Variants in MTUS2 observed in about 807,000 individuals in gnomAD.
MTUS2 encodes the protein microtubule associated scaffold protein 2.
A neutral mutation model predicts 114.1 loss-of-function variants in MTUS2; 40 were observed. That is an observed-to-expected ratio of 0.35 (90% CI 0.27 to 0.46). MTUS2 has a LOEUF of 0.46. Among genes scored for constraint, MTUS2 ranks in the 20% least tolerant of loss-of-function variants. The pLI is 1.00. For synonymous variants in MTUS2, 688 were observed against 672.0 expected (o/e 1.02, Z -0.37); for missense variants, 1,679 against 1,705.4 (o/e 0.98, Z 0.27).
intron 9 of MTUS2, among the ~76,000 whole-genome samples, chr13:29,450,916 C>T (rs572865951): frequency 1.2e-4 from 19 of 152,024 alleles, no homozygotes; most frequent in Non-Finnish European, 2.2e-4. Context: ...ACCTACATAC[C>T]GAACAATAGA....
In MTUS2 at chr13:29,437,073, G is replaced by A. The variant is rs1458605718; in HGVS notation, c.3118-2910G>A. Among the ~76,000 whole-genome samples the A allele has an allele frequency of 2.0e-5, 3 of 152,264 alleles. No individual in the cohort carries two copies. The East Asian group carries it at 5.8e-4, about 29-fold the overall frequency. ...TGATTCTTCTGTGGCTGGGAGTGTG[G>A]ACTGATTTGTTATGATGTGAGAGAT... On this transcript the variant is annotated intron_variant, in intron 8 of 15. Coordinates refer to ENST00000612955, the MANE Select transcript of MTUS2 (RefSeq NM_001033602.4).
intron 7 of MTUS2, among the ~76,000 whole-genome samples, chr13:29,327,273 G>A (rs1423208231): frequency 6.6e-6 from 1 of 152,140 alleles, no homozygotes; most frequent in Non-Finnish European, 1.5e-5. Context: ...TATGCTTAAA[G>A]TATAGAACTT....
intron 8 of MTUS2, among the ~76,000 whole-genome samples, chr13:29,400,360 C>T (rs150765333): frequency 2.0e-5 from 3 of 152,154 alleles, no homozygotes; most frequent in African/African-American, 7.2e-5. Flanking sequence ...TGGGGGGCAA[C>T]AAAGAAGAAA....
chr13:29,224,424 T>C (rs886337842), intron 5 of MTUS2, among the ~76,000 whole-genome samples: 2 of 152,164 alleles, frequency 1.3e-5, no homozygotes, highest in Admixed American at 1.3e-4. Flanking sequence ...TCTTTTTTTT[T>C]ATACTGTTCT....
chr13:29,070,648 G>C (rs1464278550), intron 4 of MTUS2, among the ~76,000 whole-genome samples: 1 of 151,980 alleles, frequency 6.6e-6, no homozygotes, highest in Non-Finnish European at 1.5e-5. Context: ...GAGAGAGAGA[G>C]GTTTATGTTG....
intron 5 of MTUS2, among the ~76,000 whole-genome samples, chr13:29,109,761 A>G (rs1252966132): frequency 6.6e-6 from 1 of 152,154 alleles, no homozygotes; most frequent in Non-Finnish European, 1.5e-5. Flanking sequence ...TCCATTGGCC[A>G]TGTGTGTAAG....
At chr13:29,280,721 G>A (rs1566107304) in intron 5 of MTUS2, among the ~76,000 whole-genome samples, 1 of 152,072 alleles carries the variant, frequency 6.6e-6, no homozygotes, top group African/African-American at 2.4e-5. Flanking sequence ...CCTACCACTG[G>A]ACTGTTTTAT....
intron 6 of MTUS2, among the ~76,000 whole-genome samples, chr13:29,303,617 T>C (rs1899305590): frequency 6.6e-6 from 1 of 151,842 alleles, no homozygotes; most frequent in South Asian, 2.1e-4. Context: ...GAACAAAACC[T>C]CTGAAAAATA....
intron 5 of MTUS2, among the ~76,000 whole-genome samples, chr13:29,124,520 G>T (rs1023669850): frequency 6.6e-6 from 1 of 152,038 alleles, no homozygotes; most frequent in Admixed American, 6.6e-5. Context: ...AAAACAAGAT[G>T]ACAATTCCTC....
At chr13:29,458,354 G>A (rs1045228086) in intron 9 of MTUS2, among the ~76,000 whole-genome samples, 1 of 152,216 alleles carries the variant, frequency 6.6e-6, no homozygotes. Context: ...TAAAAGTGCT[G>A]TTCTTAAGAT....
intron 7 of MTUS2, among the ~76,000 whole-genome samples, chr13:29,350,983 A>ATATATATATATATATATATATATATC: frequency 1.4e-5 from 2 of 143,354 alleles, no homozygotes; most frequent in Non-Finnish European, 3.0e-5. Flanking sequence ...ATATATATAT[A>ATATATATATATATATATATATATATC]TCTTCAGAGG....
chr13:29,111,517 C>T (rs1890883414), intron 5 of MTUS2, among the ~76,000 whole-genome samples: 1 of 152,154 alleles, frequency 6.6e-6, no homozygotes, highest in Non-Finnish European at 1.5e-5. Flanking sequence ...TTGCTTTTAT[C>T]TTAGCAGAAA....
intron 6 of MTUS2, chr13:29,307,170 C>T (rs1042421296): frequency 6.8e-5 from 34 of 497,080 alleles, no homozygotes; most frequent in African/African-American, 2.5e-4. Context: ...CCCTGATGTT[C>T]GTGATGGGCG....
intron 2 of MTUS2, among the ~76,000 whole-genome samples, chr13:28,923,572 AC>A (rs1282143029): frequency 2.0e-5 from 3 of 152,304 alleles, no homozygotes; most frequent in Middle Eastern, 3.4e-3. Context: ...GTAGCTTCCC[AC>A]AGGCCAGGAC....
intron 8 of MTUS2, among the ~76,000 whole-genome samples, chr13:29,380,352 G>C (rs1215315756): frequency 6.6e-6 from 1 of 152,202 alleles, no homozygotes; most frequent in African/African-American, 2.4e-5. Context: ...ACTCCCTTGT[G>C]CTACTGTGAA....
chr13:29,159,863 G>T lies in MTUS2; in HGVS notation c.2644+58893G>T, dbSNP rs74041753. Among the ~76,000 whole-genome samples the T allele has an allele frequency of 7.8e-3, 1,185 of 152,314 alleles. 17 individuals carry two copies. Among genetic ancestry groups the T allele is most frequent in the African/African-American group, 0.028 (1,144 of 41,566 alleles). On this transcript the variant is annotated intron_variant, in intron 5 of 15. Coordinates refer to ENST00000612955, the MANE Select transcript of MTUS2 (RefSeq NM_001033602.4). ...ATCACCAAACGCAGGTGAGAATGTGGAAAAACTAGGCTCCACCTGTGTTGC... is the reference window on the plus strand; with the variant it reads ...ATCACCAAACGCAGGTGAGAATGTGTAAAAACTAGGCTCCACCTGTGTTGC...
chr13:28,956,881 A>T lies in MTUS2; in HGVS notation c.-242-67576A>T, dbSNP rs1023440911. Among the ~76,000 whole-genome samples the T allele has an allele frequency of 2.0e-5, 3 of 149,798 alleles. No homozygotes were observed. In the South Asian group the frequency reaches 6.4e-4, roughly 32 times the overall value. Reference sequence around the variant, plus strand: ...GAGATGGGTGAGCTGGTGGAAAGAAAGTGTGATGGCGACAGAGGGAAGAAG... The same window carrying T: ...GAGATGGGTGAGCTGGTGGAAAGAATGTGTGATGGCGACAGAGGGAAGAAG... On this transcript the variant is annotated intron_variant, in intron 2 of 15. Coordinates refer to ENST00000612955, the MANE Select transcript of MTUS2 (RefSeq NM_001033602.4).
chr13:29,363,343 C>G (rs61946376), intron 8 of MTUS2, among the ~76,000 whole-genome samples: 386 of 152,148 alleles, frequency 2.5e-3, no homozygotes, highest in Non-Finnish European at 4.7e-3. Context: ...TTCTTGTCTT[C>G]TTTGTTAACT....
intron 8 of MTUS2, among the ~76,000 whole-genome samples, chr13:29,415,718 T>C (rs1387578901): frequency 6.6e-6 from 1 of 152,188 alleles, no homozygotes; most frequent in Non-Finnish European, 1.5e-5. Flanking sequence ...CTGATATGTT[T>C]GGTCTGAGTC....
Sources: allele counts gnomAD v4.1 joint callset (sites outside exome capture counted in the v4.1 genomes callset), GRCh38; gene constraint gnomAD v4.1.1; transcripts MANE v1.5; gene names NCBI Gene and HGNC (gene_info 2026-07-23, HGNC 2026-07-21).